Variants in DPRX observed in about 807,000 individuals in gnomAD.
DPRX encodes divergent-paired related homeobox, also known as divergent paired-related homeobox.
A neutral mutation model predicts 8.4 loss-of-function variants in DPRX; 11 were observed. The observed-to-expected ratio is 1.31, with a 90% confidence interval of 0.82 to 2.17. The LOEUF is 2.17. Among genes scored for constraint, DPRX ranks in the 30% most tolerant of loss-of-function variants. The probability of loss-of-function intolerance (pLI) is 0.00; values close to 1 mark genes in which losing one functional copy is unlikely to be tolerated. For missense variants in DPRX, 211 were observed against 236.7 expected (o/e 0.89, Z 0.71); for synonymous variants, 72 against 87.0 (o/e 0.83, Z 0.96).
chr19:53,612,445 G>A, the DPRX span, among the ~76,000 whole-genome samples: 6 of 152,128 alleles, frequency 3.9e-5, no homozygotes, highest in Non-Finnish European at 7.4e-5. Context: ...AGTGGCTCAC[G>A]CCTGTAATCC....
the DPRX span, among the ~76,000 whole-genome samples, chr19:53,623,314 T>TAAATA: frequency 4.7e-5 from 5 of 105,598 alleles, no homozygotes; most frequent in African/African-American, 2.1e-4. Context: ...CTCAAAAAAA[T>TAAATA]AAATAAATAA....
chr19:53,615,228 T>C, the DPRX span, among the ~76,000 whole-genome samples: 3 of 151,920 alleles, frequency 2.0e-5, no homozygotes, highest in African/African-American at 7.2e-5. Context: ...CACCTCAGCC[T>C]CCCAAAATGC....
the DPRX span, among the ~76,000 whole-genome samples, chr19:53,612,560 A>G: frequency 2.6e-5 from 4 of 151,646 alleles, no homozygotes; most frequent in Non-Finnish European, 5.9e-5. Flanking sequence ...TACAAAAATT[A>G]GCCGGCCATG....
chr19:53,636,441 AAAAAAG>A (rs147560809), intron 2 of DPRX, among the ~76,000 whole-genome samples, 149 bp from the exon 3 acceptor site: 49,598 of 148,870 alleles, frequency 0.33, 8,493 homozygotes, highest in East Asian at 0.43. Context: ...AAAAAGGAAA[AAAAAAG>A]AAAAGTTAAA....
intron 2 of DPRX, among the ~76,000 whole-genome samples, chr19:53,636,366 A>AAAAAT (rs1215804763): frequency 6.6e-6 from 1 of 151,510 alleles, no homozygotes; most frequent in Non-Finnish European, 1.5e-5. Context: ...ACTCCATCTC[A>AAAAAT]AAAATAAAAT....
At chr19:53,617,330 G>T in the DPRX span, 4 of 568,048 alleles carry the variant, frequency 7.0e-6, no homozygotes, top group Non-Finnish European at 1.3e-5. Flanking sequence ...AGGCCGAGGC[G>T]AGCGGATTAT....
intron 1 of DPRX, among the ~76,000 whole-genome samples, chr19:53,634,102 G>T (rs950806418): frequency 6.6e-6 from 1 of 152,084 alleles, no homozygotes; most frequent in Admixed American, 6.6e-5. Context: ...GCAGCCTGAG[G>T]CACGACCCCG....
At chr19:53,630,786 T>C (rs1392398266), upstream of DPRX, among the ~76,000 whole-genome samples, 1 of 152,016 alleles carries the variant, frequency 6.6e-6, no homozygotes, top group African/African-American at 2.4e-5. Context: ...CAAACTGCCC[T>C]TGTCGTCAAG....
chr19:53,613,190 A>G, the DPRX span, among the ~76,000 whole-genome samples: 5 of 152,052 alleles, frequency 3.3e-5, no homozygotes, highest in African/African-American at 1.2e-4. Flanking sequence ...TTTTGAGGTT[A>G]TCGGTTTCTG....
At chr19:53,634,374 T>C (rs1283863770) in intron 1 of DPRX, among the ~76,000 whole-genome samples, 157 bp from the exon 2 acceptor site, 2 of 152,132 alleles carry the variant, frequency 1.3e-5, no homozygotes, top group Non-Finnish European at 2.9e-5. Context: ...GAGGTTGCAG[T>C]GAGCTGAGAT....
chr19:53,617,450 C>T, the DPRX span, among the ~76,000 whole-genome samples: 11 of 150,194 alleles, frequency 7.3e-5, no homozygotes, highest in East Asian at 5.9e-4. Context: ...CCCAGCTACT[C>T]GGGAGGCTGA....
chr19:53,611,977 G>C, the DPRX span, among the ~76,000 whole-genome samples: 2 of 152,000 alleles, frequency 1.3e-5, no homozygotes, highest in African/African-American at 4.8e-5. Flanking sequence ...CCAGCTACTC[G>C]GGAGGCTGAG....
intron 1 of DPRX, among the ~76,000 whole-genome samples, chr19:53,633,797 T>C (rs150746070): frequency 1.3e-5 from 2 of 151,628 alleles, no homozygotes; most frequent in East Asian, 2.0e-4. Context: ...CATGAGCCAC[T>C]GTGCCCGGCC....
At chr19:53,609,845 C>T in the DPRX span, among the ~76,000 whole-genome samples, 3 of 151,952 alleles carry the variant, frequency 2.0e-5, no homozygotes, top group East Asian at 1.9e-4. Flanking sequence ...ATTAGCTGGA[C>T]GTGGTGGCAC....
chr19:53,603,879 G>C, the DPRX span, among the ~76,000 whole-genome samples: 3 of 151,616 alleles, frequency 2.0e-5, no homozygotes, highest in African/African-American at 7.3e-5. Context: ...CTGAGTAGCT[G>C]GGATTACAGG....
the DPRX span, among the ~76,000 whole-genome samples, chr19:53,617,892 C>A: frequency 5.3e-5 from 8 of 152,064 alleles, no homozygotes; most frequent in African/African-American, 1.7e-4. Flanking sequence ...GTAGTCCCAG[C>A]ACTTTGGGAG....
chr19:53,636,120 C>G (rs2122167656), intron 2 of DPRX, among the ~76,000 whole-genome samples: 1 of 152,194 alleles, frequency 6.6e-6, no homozygotes, highest in South Asian at 2.1e-4. Context: ...GTAATCCCAG[C>G]AGTTTGGGAG....
At chr19:53,621,259 A>T in the DPRX span, among the ~76,000 whole-genome samples, 7 of 151,998 alleles carry the variant, frequency 4.6e-5, no homozygotes, top group Non-Finnish European at 7.4e-5. Flanking sequence ...CAGCCTCTGG[A>T]GTAGCTGGGA....
the DPRX span, among the ~76,000 whole-genome samples, chr19:53,617,552 C>T: frequency 2.3e-5 from 3 of 131,134 alleles, no homozygotes; most frequent in Non-Finnish European, 4.8e-5. Context: ...GAGTAAATCT[C>T]CGTCTCACCA....
Sources: gnomAD v4.1 joint callset for allele counts (sites outside exome capture counted in the v4.1 genomes callset) on GRCh38, gnomAD v4.1.1 for gene constraint, MANE v1.5 for transcripts, NCBI Gene and HGNC (gene_info 2026-07-23, HGNC 2026-07-21) for gene names.